GAP43: variants seen among roughly 807,000 people sequenced by gnomAD.
GAP43 encodes the protein growth associated protein 43, also known as neuromodulin.
In GAP43, 6 loss-of-function variants were observed where a neutral mutation model predicts 18.6. The observed-to-expected ratio is 0.32, with a 90% CI of 0.18 to 0.64. The LOEUF (loss-of-function observed/expected upper bound fraction) is 0.64, where lower values mean the gene tolerates loss of function less well. Among genes scored for constraint, GAP43 ranks in the 30% least tolerant of loss-of-function variants. The pLI, the probability that GAP43 is intolerant of heterozygous loss-of-function variation, is 0.78. For synonymous variants in GAP43, 115 were observed against 111.4 expected (o/e 1.03, Z -0.20); for missense variants, 292 against 295.5 (o/e 0.99, Z 0.09).
intron 2 of GAP43, among the ~76,000 whole-genome samples, chr3:115,683,147 G>GCGCGCGCACA (rs1252333447): frequency 5.3e-4 from 68 of 127,440 alleles, no homozygotes; most frequent in African/African-American, 1.2e-3. Flanking sequence ...GCGCGCGCGC[G>GCGCGCGCACA]CACACACACA....
chr3:115,681,625 A>G (rs901403408), intron 2 of GAP43, among the ~76,000 whole-genome samples: 1 of 152,202 alleles, frequency 6.6e-6, no homozygotes, highest in Non-Finnish European at 1.5e-5. Flanking sequence ...TCTCATCCTT[A>G]GGAAAAGGGA....
intron 2 of GAP43, among the ~76,000 whole-genome samples, chr3:115,684,056 C>T (rs1171590329): frequency 6.6e-6 from 1 of 152,172 alleles, no homozygotes; most frequent in African/African-American, 2.4e-5. Flanking sequence ...GATCATCTCA[C>T]ACCATTCTAC....
intron 1 of GAP43, among the ~76,000 whole-genome samples, chr3:115,666,674 C>G (rs954427417): frequency 1.3e-5 from 2 of 152,156 alleles, no homozygotes; most frequent in African/African-American, 4.8e-5. Flanking sequence ...CTAAAGCTGA[C>G]TTGCCCAAGG....
chr3:115,673,760 G>A (rs944220025), intron 1 of GAP43, among the ~76,000 whole-genome samples: 13 of 152,136 alleles, frequency 8.5e-5, no homozygotes, highest in African/African-American at 2.7e-4. Flanking sequence ...GCGAGAAGGT[G>A]ATAGTACATC....
At chr3:115,663,438 G>A (rs1345415819) in intron 1 of GAP43, 14 of 769,160 alleles carry the variant, frequency 1.8e-5, no homozygotes, top group Non-Finnish European at 2.3e-5. Flanking sequence ...AATAGCCATA[G>A]TTCCTGACCT....
chr3:115,631,491 A>T (rs1708259592), intron 1 of GAP43, among the ~76,000 whole-genome samples: 1 of 152,246 alleles, frequency 6.6e-6, no homozygotes, highest in African/African-American at 2.4e-5. Context: ...AAGTATTATT[A>T]ATTAAGGAAT....
chr3:115,720,009 A>AAGTGT (rs1709556954), intron 2 of GAP43, among the ~76,000 whole-genome samples: 1 of 152,208 alleles, frequency 6.6e-6, no homozygotes. Context: ...CCCTGTGGAT[A>AAGTGT]AGTGTATTCA....
chr3:115,625,051 G>A (rs76920164), intron 1 of GAP43, among the ~76,000 whole-genome samples: 9,662 of 151,996 alleles, frequency 0.064, 408 homozygotes, highest in Non-Finnish European at 0.092. Context: ...GAATCCGAAG[G>A]GGGTGGAAGA....
chr3:115,676,571 A>G lies in GAP43; in HGVS notation c.589A>G (p.Thr197Ala), dbSNP rs745403423. The change falls in exon 2 of 3, where the codon ACG becomes GCG. Residue 197 changes from threonine (T) to alanine (A), a missense_variant. By Grantham distance (58) the Thr-to-Ala change is moderately conservative. Transcript: ENST00000305124. The part of the protein sequence containing the change: ...AAAKATAQPP[T>A]ETGESSQAEE... ...TGCCAAGGCAACAGCCCAGCCTCCA[A>G]CGGAGACTGGGGAGAGCAGCCAAGC... 12 of 1,611,178 alleles carry G rather than the reference A, an allele frequency of 7.4e-6. No homozygotes were observed. Among genetic ancestry groups the G allele is most frequent in the South Asian group, 3.3e-5 (3 of 90,926 alleles).
In GAP43 at chr3:115,719,268, GAA is replaced by G. The variant is rs34600347; in HGVS notation, c.629-1516_629-1515del. On this transcript the variant is annotated intron_variant, in intron 2 of 2. Coordinates refer to ENST00000305124, the MANE Select transcript of GAP43 (RefSeq NM_002045.4). The stretch of plus-strand genomic sequence containing the variant: ...GGCATCGTCAATATCAGGGATTGAG[GAA>G]AAAAAAAAACAGTTAATACAGTAGG... Among the ~76,000 whole-genome samples the G allele has an allele frequency of 3.0e-4, 45 of 148,696 alleles. No individual in the cohort carries two copies. In the South Asian group the frequency reaches 6.6e-3, roughly 22 times the overall value.
At chr3:115,645,039 CT>C (rs2107472220) in intron 1 of GAP43, among the ~76,000 whole-genome samples, 1 of 152,070 alleles carries the variant, frequency 6.6e-6, no homozygotes, top group African/African-American at 2.4e-5. Flanking sequence ...TTGTTGGCCC[CT>C]ATATCATTTT....
rs71616327 is a variant in GAP43, at chr3:115,690,757, C to CTT, written c.628+14162_628+14163dup. 4.0e-3 allele frequency among the ~76,000 whole-genome samples: 442 copies of CTT among 110,944 alleles called. 3 individuals are homozygous for CTT. Among genetic ancestry groups the CTT allele is most frequent in the African/African-American group, 0.012 (348 of 29,418 alleles). The allele number at this position is 110,944 out of a possible 152,430, so 72.8% of individuals were successfully genotyped here. On this transcript the variant is annotated intron_variant, in intron 2 of 2. Transcript: ENST00000305124. Reference sequence around the variant, plus strand: ...ATCTTTTTTTTTTTTTTCTTTCTTTCTTTTTTTTTTTTTTTTGAGACGGAG... The same window carrying CTT: ...ATCTTTTTTTTTTTTTTCTTTCTTTCTTTTTTTTTTTTTTTTTTGAGACGGAG...
chr3:115,673,704 T>G (rs563886251), intron 1 of GAP43, among the ~76,000 whole-genome samples: 1 of 152,208 alleles, frequency 6.6e-6, no homozygotes, highest in Non-Finnish European at 1.5e-5. Context: ...GTGTCTCACA[T>G]TGGGCTGTGC....
At chr3:115,716,717 A>ATATATATATATATATAT (rs1709507824) in intron 2 of GAP43, among the ~76,000 whole-genome samples, 1 of 43,936 alleles carries the variant, frequency 2.3e-5, no homozygotes, top group Non-Finnish European at 4.4e-5. Flanking sequence ...ATCTCAGACA[A>ATATATATATATATATAT]ATATATATAT....
chr3:115,684,156 A>G (rs1709003023), intron 2 of GAP43, among the ~76,000 whole-genome samples: 1 of 152,200 alleles, frequency 6.6e-6, no homozygotes, highest in Non-Finnish European at 1.5e-5. Context: ...AACATGTTCA[A>G]CATAAATATT....
chr3:115,633,881 C>G (rs1377229738), intron 1 of GAP43, among the ~76,000 whole-genome samples: 1 of 152,164 alleles, frequency 6.6e-6, no homozygotes, highest in African/African-American at 2.4e-5. Context: ...TGTAAAACAG[C>G]TCAATTGGAT....
chr3:115,652,276 A>G lies in GAP43; in HGVS notation c.31-23737A>G, dbSNP rs1269757867. 3.3e-5 allele frequency among the ~76,000 whole-genome samples: 5 copies of G among 151,036 alleles called. No homozygotes were observed. In the East Asian group the frequency reaches 9.7e-4, roughly 29 times the overall value. Reference sequence around the variant, plus strand: ...TTTCATTTGTTGTTACCATATTTAAACAGTAATTATTTTGAGGGAAAGAAT... The same window carrying G: ...TTTCATTTGTTGTTACCATATTTAAGCAGTAATTATTTTGAGGGAAAGAAT... On this transcript the variant is annotated intron_variant, in intron 1 of 2. Coordinates refer to ENST00000305124, the MANE Select transcript of GAP43 (RefSeq NM_002045.4).
intron 1 of GAP43, chr3:115,663,742 A>T (rs1434804109): frequency 4.5e-6 from 7 of 1,550,502 alleles, no homozygotes; most frequent in Non-Finnish European, 5.2e-6. Flanking sequence ...CTAGTCTTTT[A>T]GACAGTGAAC....
chr3:115,663,287 C>G (rs1708688763), intron 1 of GAP43, among the ~76,000 whole-genome samples: 1 of 152,164 alleles, frequency 6.6e-6, no homozygotes, highest in African/African-American at 2.4e-5. Context: ...ATGTTTAATT[C>G]AGGAACTCAG....
Sources: allele counts gnomAD v4.1 joint callset (sites outside exome capture counted in the v4.1 genomes callset), GRCh38; gene constraint gnomAD v4.1.1; transcripts MANE v1.5; gene names NCBI Gene and HGNC (gene_info 2026-07-23, HGNC 2026-07-21).